SDK1: variants seen among roughly 807,000 people sequenced by gnomAD.
The protein encoded by SDK1 is protein sidekick-1.
In SDK1, 157 loss-of-function variants were observed where a neutral mutation model predicts 245.5. That is an observed-to-expected ratio of 0.64 (90% CI 0.56 to 0.73). The LOEUF (loss-of-function observed/expected upper bound fraction) is 0.73. SDK1 is among the 30% of genes least tolerant of loss of function. The pLI, the probability that SDK1 is intolerant of heterozygous loss-of-function variation, is 0.00. For missense variants in SDK1, 3,583 were observed against 3,002.3 expected (o/e 1.19, Z -4.52); for synonymous variants, 1,647 against 1,278.5 (o/e 1.29, Z -6.15).
rs113610061 is a variant in SDK1 at position 3,474,287 on chromosome 7, G to C, written c.299-144793G>C. Among the ~76,000 whole-genome samples the C allele has an allele frequency of 8.5e-3, 1,291 of 151,512 alleles. 25 individuals are homozygous for C. Among genetic ancestry groups the C allele is most frequent in the African/African-American group, 0.029 (1,215 of 41,282 alleles). ...ATTTTTGTATTTTTAGTAGAGACGG[G>C]GTTTCACCATGTTGGCCAGGATGGT... On this transcript the variant is annotated intron_variant, in intron 1 of 44. Coordinates refer to ENST00000404826, the MANE Select transcript of SDK1 (RefSeq NM_152744.4).
At chr7:3,757,619 A>T (rs972526110) in intron 4 of SDK1, among the ~76,000 whole-genome samples, 2 of 152,140 alleles carry the variant, frequency 1.3e-5, no homozygotes, top group South Asian at 4.1e-4. Flanking sequence ...TGCATAGGGC[A>T]GGTGTGGGGG....
intron 2 of SDK1, among the ~76,000 whole-genome samples, chr7:3,624,023 AC>A (rs1387366552): frequency 6.6e-6 from 1 of 152,208 alleles, no homozygotes; most frequent in Admixed American, 6.5e-5. Flanking sequence ...ATTATGAAAT[AC>A]CTGGGAATAA....
chr7:4,093,458 C>CAAA (rs71032922), intron 22 of SDK1, among the ~76,000 whole-genome samples: 20 of 77,746 alleles, frequency 2.6e-4, no homozygotes, highest in East Asian at 6.3e-4. Flanking sequence ...AAATGGAAAG[C>CAAA]AAAAAAAAAA....
intron 17 of SDK1, among the ~76,000 whole-genome samples, chr7:4,039,278 T>C (rs191020644): frequency 2.5e-4 from 38 of 151,370 alleles, no homozygotes; most frequent in African/African-American, 9.3e-4. Flanking sequence ...GTTGTGCACA[T>C]GTACCGGAAA....
intron 5 of SDK1, among the ~76,000 whole-genome samples, chr7:3,892,913 C>T (rs567157867): frequency 6.6e-6 from 1 of 152,144 alleles, no homozygotes; most frequent in African/African-American, 2.4e-5. Flanking sequence ...GGGTTGCTTT[C>T]GAGGATGCCG....
At position 4,029,228 on chromosome 7, in the gene SDK1, T is replaced by TTTTTTTTTTTTGTG. The variant is rs746967075; in HGVS notation, c.2602+11877_2602+11878insTTTTTTTTTTGTGT. On this transcript the variant is annotated intron_variant, in intron 17 of 44. Transcript: ENST00000404826. ...TTTTATTCTTTCTTTTTTTTTTTTT[T>TTTTTTTTTTTTGTG]TGTGAAGAAGTCTCACTCTGTCATC... Among the ~76,000 whole-genome samples the TTTTTTTTTTTTGTG allele has an allele frequency of 2.9e-3, 326 of 112,000 alleles. 24 individuals are homozygous for TTTTTTTTTTTTGTG. The highest frequency in any genetic ancestry group is 0.011 in the South Asian group (40 of 3,646). The allele number at this position is 112,000 out of a possible 152,430, so 73.5% of individuals were successfully genotyped here.
At chr7:3,777,579 A>G (rs1485247435) in intron 4 of SDK1, among the ~76,000 whole-genome samples, 2 of 152,170 alleles carry the variant, frequency 1.3e-5, no homozygotes, top group Non-Finnish European at 2.9e-5. Context: ...GCAGGCTTCT[A>G]AAGGACCTGA....
At chr7:4,012,279 T>C in intron 16 of SDK1, 44 bp downstream of exon 16, 6 of 1,433,266 alleles carry the variant, frequency 4.2e-6, no homozygotes, top group Non-Finnish European at 5.5e-6. Flanking sequence ...CCATTAGAGT[T>C]GAGCGTCGAT....
intron 1 of SDK1, among the ~76,000 whole-genome samples, chr7:3,565,824 C>G (rs1285149272): frequency 6.6e-6 from 1 of 152,180 alleles, no homozygotes. Flanking sequence ...AAAAAGAAGT[C>G]TGTACATATT....
intron 25 of SDK1, among the ~76,000 whole-genome samples, chr7:4,120,799 A>G (rs1784008641): frequency 6.6e-6 from 1 of 152,002 alleles, no homozygotes; most frequent in African/African-American, 2.4e-5. Context: ...TATTTTTAGT[A>G]GAGATGGGGT....
intron 1 of SDK1, among the ~76,000 whole-genome samples, chr7:3,445,572 C>T (rs1780317929): frequency 1.3e-5 from 2 of 152,150 alleles, no homozygotes; most frequent in South Asian, 4.1e-4. Flanking sequence ...TGCTCCTCAC[C>T]TGGTTGCTCC....
chr7:3,728,097 A>C (rs916060418), intron 4 of SDK1, among the ~76,000 whole-genome samples: 1 of 152,190 alleles, frequency 6.6e-6, no homozygotes, highest in African/African-American at 2.4e-5. Context: ...GAGTTTGAGG[A>C]GGAAGACAGC....
intron 4 of SDK1, among the ~76,000 whole-genome samples, chr7:3,665,995 G>A (rs374845156): frequency 2.9e-4 from 44 of 152,028 alleles, no homozygotes; most frequent in East Asian, 9.6e-4. Flanking sequence ...TAGTCAGGGG[G>A]TTCACTCTTT....
intron 17 of SDK1, among the ~76,000 whole-genome samples, chr7:4,028,261 T>A (rs565486155): frequency 1.9e-4 from 29 of 152,272 alleles, no homozygotes; most frequent in African/African-American, 6.7e-4. Flanking sequence ...TCTTTAGGCA[T>A]TGATAGGTAG....
Position 4,113,269 on chromosome 7 carries a change from A to G in SDK1, c.3435-20A>G, listed in dbSNP as rs1308356085. 1.2e-6 allele frequency: 2 copies of G among 1,609,882 alleles called. No homozygotes were observed. Among genetic ancestry groups the G allele is most frequent in the African/African-American group, 1.3e-5 (1 of 74,750 alleles). ...TTACCTTTGCTTTGCCGTGACTCTCATCAGTGGTTTTTCCTTTAGATTTCG... is the reference window on the plus strand; with the variant it reads ...TTACCTTTGCTTTGCCGTGACTCTCGTCAGTGGTTTTTCCTTTAGATTTCG... On this transcript the variant is annotated intron_variant, in intron 23 of 44. Transcript: ENST00000404826.
chr7:3,599,811 C>G (rs1049952798), intron 1 of SDK1, among the ~76,000 whole-genome samples: 5 of 152,172 alleles, frequency 3.3e-5, no homozygotes, highest in African/African-American at 1.2e-4. Flanking sequence ...TTTGATCCCT[C>G]TATGAATACC....
chr7:3,667,268 G>A (rs1783562438), intron 4 of SDK1, among the ~76,000 whole-genome samples: 1 of 152,106 alleles, frequency 6.6e-6, no homozygotes, highest in Admixed American at 6.5e-5. Context: ...ACACACATTT[G>A]TATAGAGAAC....
intron 4 of SDK1, among the ~76,000 whole-genome samples, chr7:3,779,405 G>T (rs1346870582): frequency 6.6e-6 from 1 of 151,870 alleles, no homozygotes; most frequent in African/African-American, 2.4e-5. Context: ...ACATCGAACA[G>T]TAGTTGATTT....
chr7:3,712,090 G>C (rs1165635153), intron 4 of SDK1, among the ~76,000 whole-genome samples: 1 of 152,114 alleles, frequency 6.6e-6, no homozygotes, highest in East Asian at 1.9e-4. Flanking sequence ...GCAACCCTTG[G>C]GTAGGAACCA....
Sources: allele counts gnomAD v4.1 joint callset (sites outside exome capture counted in the v4.1 genomes callset), GRCh38; gene constraint gnomAD v4.1.1; transcripts MANE v1.5; gene names NCBI Gene and HGNC (gene_info 2026-07-23, HGNC 2026-07-21).